Variants in SVEP1 observed in about 807,000 individuals in gnomAD.
The protein encoded by SVEP1 is sushi, von Willebrand factor type A, EGF and pentraxin domain containing 1, also known as sushi, von Willebrand factor type A, EGF and pentraxin domain-containing protein 1.
Under a neutral mutation model 367.3 loss-of-function variants are expected in SVEP1, and 164 were observed. The ratio of observed to expected loss-of-function variants is 0.45; its 90% CI spans 0.39 to 0.51. The LOEUF (loss-of-function observed/expected upper bound fraction) is 0.51. Ranked by LOEUF, SVEP1 falls within the 20% of genes least tolerant of loss-of-function variation. SVEP1 has a pLI of 0.00. For synonymous variants in SVEP1, 1,666 were observed against 1,611.6 expected (o/e 1.03, Z -0.81); for missense variants, 4,117 against 4,425.3 (o/e 0.93, Z 1.98).
chr9:110,372,936 G>A (rs563712336), intron 46 of SVEP1, among the ~76,000 whole-genome samples: 34 of 152,310 alleles, frequency 2.2e-4, no homozygotes, highest in African/African-American at 8.2e-4. Flanking sequence ...ACATGCCAAA[G>A]TAGTACATTG....
At chr9:110,542,641 G>A (rs987878679) in intron 3 of SVEP1, among the ~76,000 whole-genome samples, 1 of 152,136 alleles carries the variant, frequency 6.6e-6, no homozygotes, top group Non-Finnish European at 1.5e-5. Flanking sequence ...CAGTTAGACT[G>A]TAAGTCCCAA....
At chr9:110,562,384 C>A (rs1830443469) in intron 1 of SVEP1, among the ~76,000 whole-genome samples, 2 of 152,096 alleles carry the variant, frequency 1.3e-5, no homozygotes, top group Admixed American at 1.3e-4. Context: ...TTTCAGTTGA[C>A]ATGTTAAATT....
Position 110,471,556 on chromosome 9 carries a change from A to T in SVEP1, c.2806T>A (p.Trp936Arg). The T allele has an allele frequency of 1.2e-6, 2 of 1,613,904 alleles. No individual in the cohort carries two copies. Among genetic ancestry groups the T allele is most frequent in the Non-Finnish European group, 1.7e-6 (2 of 1,179,854 alleles). Residue 936 changes from tryptophan (W) to arginine (R), a missense_variant, in exon 16 of 48, where the codon TGG becomes AGG. Coordinates refer to ENST00000374469, the MANE Select transcript of SVEP1 (RefSeq NM_153366.4). ...LPDERNDTLE[W>R]ENQQRLLQTL... The stretch of plus-strand genomic sequence containing the variant: ...TGAAGGAGTCGTTGCTGATTTTCCC[A>T]TTCAAGGGTATCATTTCTTTCATCG...
intron 13 of SVEP1, among the ~76,000 whole-genome samples, chr9:110,477,119 A>C (rs1829107985): frequency 6.6e-6 from 1 of 151,928 alleles, no homozygotes; most frequent in Non-Finnish European, 1.5e-5. Context: ...CTTGTATTCC[A>C]GCCTTACTCT....
rs970027266 is a variant in SVEP1 at position 110,543,789 on chromosome 9, A to T, written c.964+2326T>A. Among the ~76,000 whole-genome samples the T allele has an allele frequency of 4.6e-5, 7 of 152,068 alleles. No individual in the cohort carries two copies. The South Asian group carries it at 6.2e-4, about 14-fold the overall frequency. On this transcript the variant is annotated intron_variant, in intron 3 of 47. Transcript: ENST00000374469. ...TTCTGCCTGGGTTTGGTGGGCTAGG[A>T]TGGGGGAGTAAGGAATAGGGGTTGG...
intron 18 of SVEP1, among the ~76,000 whole-genome samples, chr9:110,465,348 A>C (rs1160172363): frequency 6.6e-6 from 1 of 152,178 alleles, no homozygotes; most frequent in Admixed American, 6.5e-5. Context: ...AAGTTAAATC[A>C]GAATCTCTGG....
At chr9:110,379,966 C>T (rs1827409869) in intron 43 of SVEP1, among the ~76,000 whole-genome samples, 1 of 152,132 alleles carries the variant, frequency 6.6e-6, no homozygotes, top group Non-Finnish European at 1.5e-5. Flanking sequence ...TTTATTAGTG[C>T]CTAGCATGCA....
At chr9:110,457,235 A>G in intron 21 of SVEP1, 21 bp downstream of exon 21, 2 of 1,536,560 alleles carry the variant, frequency 1.3e-6, no homozygotes, top group African/African-American at 1.4e-5. Context: ...ATTAAAATCT[A>G]CATTCCTCTT....
chr9:110,461,629 A>G (rs1828859614), intron 18 of SVEP1, among the ~76,000 whole-genome samples: 1 of 152,176 alleles, frequency 6.6e-6, no homozygotes, highest in Non-Finnish European at 1.5e-5. Context: ...TAATCTCAAG[A>G]CATGTAGATC....
intron 40 of SVEP1, among the ~76,000 whole-genome samples, chr9:110,399,531 C>T (rs1564130974): frequency 1.3e-5 from 2 of 151,826 alleles, no homozygotes; most frequent in African/African-American, 4.8e-5. Flanking sequence ...GTGATGAATA[C>T]TTTTTTTGTT....
At chr9:110,547,497 C>T (rs1830234809) in intron 2 of SVEP1, among the ~76,000 whole-genome samples, 1 of 152,066 alleles carries the variant, frequency 6.6e-6, no homozygotes, top group African/African-American at 2.4e-5. Flanking sequence ...ATCACTTGAG[C>T]CTGGGAGGTG....
chr9:110,570,921 T>G (rs2118883193), intron 1 of SVEP1, among the ~76,000 whole-genome samples: 1 of 151,894 alleles, frequency 6.6e-6, no homozygotes, highest in East Asian at 1.9e-4. Context: ...TGGAATAGGA[T>G]TTCTTGACGT....
At position 110,366,673 on chromosome 9, in the gene SVEP1, G is replaced by T. The variant is rs571506686; in HGVS notation, c.10695-113C>A. On this transcript the variant is annotated intron_variant, in intron 47 of 47. Transcript: ENST00000374469. ...AGGATTGAAAGTCCCAGATACCTGGGCATTATCTGTGATGTTTATACGGAT... is the reference window on the plus strand; with the variant it reads ...AGGATTGAAAGTCCCAGATACCTGGTCATTATCTGTGATGTTTATACGGAT... 6.7e-6 allele frequency: 7 copies of T among 1,052,536 alleles called. No individual in the cohort carries two copies. In the African/African-American group the frequency reaches 9.7e-5, roughly 15 times the overall value. The allele number at this position is 1,052,536 out of a possible 1,614,324, so 65.2% of individuals were successfully genotyped here.
At chr9:110,485,624 C>T (rs10732370) in intron 9 of SVEP1, among the ~76,000 whole-genome samples, 131,188 of 152,204 alleles carry the variant, frequency 0.86, 56,699 homozygotes, top group East Asian at 0.99. Flanking sequence ...TAGAAAGTAA[C>T]TTTAATTTAA....
chr9:110,516,368 T>A (rs910191167), intron 3 of SVEP1, among the ~76,000 whole-genome samples: 1 of 151,856 alleles, frequency 6.6e-6, no homozygotes, highest in Non-Finnish European at 1.5e-5. Flanking sequence ...TTTCTCATGA[T>A]ATATAGTAGC....
intron 36 of SVEP1, among the ~76,000 whole-genome samples, chr9:110,416,361 G>C (rs1050901907): frequency 2.6e-5 from 4 of 151,750 alleles, no homozygotes; most frequent in African/African-American, 9.7e-5. Flanking sequence ...TAAAAATGTG[G>C]AACATAAAAA....
chr9:110,456,642 G>A (rs939909554), intron 21 of SVEP1, among the ~76,000 whole-genome samples: 1 of 152,054 alleles, frequency 6.6e-6, no homozygotes, highest in Non-Finnish European at 1.5e-5. Context: ...GAAAAAAACT[G>A]TCTAGAAGAA....
chr9:110,481,525 C>G, intron 11 of SVEP1, 89 bp from the exon 12 acceptor site: 1 of 914,302 alleles, frequency 1.1e-6, no homozygotes. Context: ...TTGAAAAGGA[C>G]TCCTCCTGTC....
In SVEP1 at chr9:110,407,498, T is replaced by C. The variant is rs1827974150; in HGVS notation, c.8102A>G (p.Glu2701Gly). 2 of 1,613,888 alleles carry C rather than the reference T, an allele frequency of 1.2e-6. No homozygotes were observed. Among genetic ancestry groups the C allele is most frequent in the African/African-American group, 2.7e-5 (2 of 74,932 alleles). ...TGCACTGCCATTCCAAGTTCCATCT[T>C]CCTGGCAGATCAGCACAGGGTTCCC... Reference protein sequence around the residue: ...LLGNPVLICQEDGTWNGSAPS... With the variant: ...LLGNPVLICQGDGTWNGSAPS... The change falls in exon 38 of 48, where the codon GAA becomes GGA. Residue 2701 changes from glutamate to glycine, a missense_variant. Physicochemically the swap from Glu to Gly is moderately conservative, Grantham distance 98 (BLOSUM62 -2). Coordinates refer to ENST00000374469, the MANE Select transcript of SVEP1 (RefSeq NM_153366.4).
Sources: gnomAD v4.1 joint callset for allele counts (sites outside exome capture counted in the v4.1 genomes callset) on GRCh38, gnomAD v4.1.1 for gene constraint, MANE v1.5 for transcripts, NCBI Gene and HGNC (gene_info 2026-07-23, HGNC 2026-07-21) for gene names.